The following ANAPC7 variants were observed in gnomAD, a reference collection of about 807,000 sequenced individuals.
ANAPC7 encodes anaphase promoting complex subunit 7, also known as anaphase-promoting complex subunit 7.
In ANAPC7, 25 loss-of-function variants were observed where a neutral mutation model predicts 63.3. That is an observed-to-expected ratio of 0.39 (90% CI 0.29 to 0.55). ANAPC7 has a LOEUF of 0.55. ANAPC7 is among the 20% of genes least tolerant of loss of function. The probability of loss-of-function intolerance (pLI) is 0.57; values close to 1 mark genes in which losing one functional copy is unlikely to be tolerated. For missense variants in ANAPC7, 516 were observed against 691.7 expected, an observed-to-expected ratio of 0.75 and a Z score of 2.85; for synonymous variants, 241 against 251.7, an observed-to-expected ratio of 0.96 and a Z score of 0.40.
chr12:110,375,417 G>C (rs1181860783), intron 10 of ANAPC7: 1 of 985,200 alleles, frequency 1.0e-6, no homozygotes, highest in African/African-American at 1.7e-5. Context: ...ATTAAAGACA[G>C]CCCTTCACCA....
chr12:110,375,126 C>A (rs1276946861), intron 10 of ANAPC7, among the ~76,000 whole-genome samples: 1 of 152,176 alleles, frequency 6.6e-6, no homozygotes, highest in African/African-American at 2.4e-5. Flanking sequence ...CCGTTTCTAC[C>A]GATATAAATG....
At chr12:110,401,263 G>A (rs2062223634) in intron 1 of ANAPC7, among the ~76,000 whole-genome samples, 1 of 152,210 alleles carries the variant, frequency 6.6e-6, no homozygotes. Flanking sequence ...TCTCCAGTCA[G>A]AGAAGACCAG....
chr12:110,401,833 G>C (rs967483435), intron 1 of ANAPC7, among the ~76,000 whole-genome samples: 1 of 151,874 alleles, frequency 6.6e-6, no homozygotes, highest in Non-Finnish European at 1.5e-5. Flanking sequence ...AATTAGCTGG[G>C]TGCGGTGGCG....
chr12:110,373,529 T>G lies in ANAPC7; in HGVS notation c.*615A>C, dbSNP rs1880998468. On this transcript the variant is annotated 3_prime_UTR_variant, in exon 11 of 11. Transcript: ENST00000455511. ...GAACTGCCCCAGGTGCACCTCTGGTTCATGCTCTTGTCACACCTGTTTCTC... is the reference window on the plus strand; with the variant it reads ...GAACTGCCCCAGGTGCACCTCTGGTGCATGCTCTTGTCACACCTGTTTCTC... The G allele has an allele frequency of 6.6e-6, 1 of 152,300 alleles. No homozygotes were observed. The highest frequency in any genetic ancestry group is 2.4e-5 in the African/African-American group (1 of 41,470). 9.4% of individuals were successfully genotyped at this position (152,300 alleles called of 1,614,324 possible).
chr12:110,393,205 G>T (rs1357682829), intron 3 of ANAPC7, among the ~76,000 whole-genome samples: 3 of 152,124 alleles, frequency 2.0e-5, no homozygotes, highest in Non-Finnish European at 2.9e-5. Context: ...GAATCTTACA[G>T]TATTAATTTT....
At chr12:110,383,059 C>T (rs946731343) in intron 6 of ANAPC7, 99 bp from the exon 7 acceptor site, 21 of 811,898 alleles carry the variant, frequency 2.6e-5, no homozygotes, top group Non-Finnish European at 3.9e-5. Flanking sequence ...ATGCTGAGGC[C>T]CCAGCTCCTG....
intron 3 of ANAPC7, among the ~76,000 whole-genome samples, chr12:110,391,438 CATTT>C (rs761507578): frequency 1.3e-5 from 2 of 152,146 alleles, no homozygotes; most frequent in Non-Finnish European, 2.9e-5. Context: ...AACAGACATT[CATTT>C]AGACACATTT....
chr12:110,379,657 GGCT>G (rs1881631056), intron 8 of ANAPC7, among the ~76,000 whole-genome samples: 1 of 152,064 alleles, frequency 6.6e-6, no homozygotes, highest in African/African-American at 2.4e-5. Flanking sequence ...ATAGCTCTCT[GGCT>G]ATATAAGCAG....
chr12:110,381,954 GAAAAA>G lies in ANAPC7; in HGVS notation c.936-11_936-7del, dbSNP rs35699984. ...TGCTATAGAAGCTGTGACAGCTGGA[GAAAAA>G]AAAAAAAAAAAAAACACAAAAACCC... On this transcript the variant is annotated splice_polypyrimidine_tract_variant and splice_region_variant and intron_variant, in intron 7 of 10. Coordinates refer to ENST00000455511, the MANE Select transcript of ANAPC7 (RefSeq NM_016238.3). 570 of 975,198 alleles carry G rather than the reference GAAAAA, an allele frequency of 5.8e-4. No individual in the cohort carries two copies. The highest frequency in any genetic ancestry group is 1.0e-3 in the East Asian group (25 of 24,874). The allele number at this position is 975,198 out of a possible 1,614,324, so 60.4% of individuals were successfully genotyped here.
chr12:110,374,867 A>ACC (rs937515813), intron 10 of ANAPC7, among the ~76,000 whole-genome samples: 1 of 152,114 alleles, frequency 6.6e-6, no homozygotes, highest in African/African-American at 2.4e-5. Flanking sequence ...ACCCAAGGCT[A>ACC]CCCCTACCCA....
chr12:110,403,591 C>A lies in ANAPC7; in HGVS notation c.37G>T (p.Ala13Ser), dbSNP rs761035176. 52 of 1,608,108 alleles carry A rather than the reference C, an allele frequency of 3.2e-5. No individual in the cohort carries two copies. The African/African-American group carries it at 6.7e-4, about 21-fold the overall frequency. Residue 13 changes from alanine (A) to serine (S), a missense_variant, in exon 1 of 11, where the codon GCG becomes TCG. Transcript: ENST00000455511. ...VIDHVRDMAA[A>S]GLHSNVRLLS... Reference sequence around the variant, plus strand: ...AGCCGCACGTTGGAGTGCAGCCCCGCGGCCGCCATGTCCCGCACGTGGTCT... The same window carrying A: ...AGCCGCACGTTGGAGTGCAGCCCCGAGGCCGCCATGTCCCGCACGTGGTCT...
chr12:110,375,512 T>C, intron 10 of ANAPC7: 6 of 953,686 alleles, frequency 6.3e-6, no homozygotes, highest in Non-Finnish European at 7.5e-6. Context: ...TAGCATTTAC[T>C]ATGTACCAGG....
At chr12:110,386,281 C>G in intron 6 of ANAPC7, 46 bp downstream of exon 6, 1 of 1,606,904 alleles carries the variant, frequency 6.2e-7, no homozygotes. Context: ...TATCTCTGAT[C>G]CCCCCCAACA....
At chr12:110,386,090 C>G (rs1347673867) in intron 6 of ANAPC7, among the ~76,000 whole-genome samples, 8 of 151,902 alleles carry the variant, frequency 5.3e-5, no homozygotes, top group African/African-American at 1.9e-4. Context: ...AGAAAAAAAG[C>G]CAAATAATGA....
At position 110,373,067 on chromosome 12, in the gene ANAPC7, C is replaced by A. The variant is rs766944853; in HGVS notation, c.*1077G>T. 2 of 152,116 alleles carry A rather than the reference C, an allele frequency of 1.3e-5. No homozygotes were observed. The highest frequency in any genetic ancestry group is 2.9e-5 in the Non-Finnish European group (2 of 68,024). The allele number at this position is 152,116 out of a possible 1,614,324, so 9.4% of individuals were successfully genotyped here. On this transcript the variant is annotated 3_prime_UTR_variant, in exon 11 of 11. Transcript: ENST00000455511. ...TTTGGGATTAGCTGTGACACCCACC[C>A]CTCACCTCCGATTAATTGTATACTC...
Position 110,386,350 on chromosome 12 carries a change from A to G in ANAPC7, c.794T>C (p.Met265Thr). The change falls in exon 6 of 11, where the codon ATG becomes ACG. Residue 265 changes from methionine to threonine, a missense_variant. By Grantham distance (81) the Met-to-Thr change is moderately conservative. Coordinates refer to ENST00000455511, the MANE Select transcript of ANAPC7 (RefSeq NM_016238.3). ...NSVLKFEQAQMLDPYLIKGMD... is the reference protein window; with the variant it reads ...NSVLKFEQAQTLDPYLIKGMD... ...ACCTTTTATCAGATAAGGATCCAAC[A>G]TCTGTGCCTGTTCAAACTTGAGGAC... 6.2e-7 allele frequency: 1 copy of G among 1,614,074 alleles called. No homozygotes were observed. Among genetic ancestry groups the G allele is most frequent in the South Asian group, 1.1e-5 (1 of 91,070 alleles).
chr12:110,391,427 T>C (rs1191505864), intron 3 of ANAPC7, among the ~76,000 whole-genome samples: 3 of 152,188 alleles, frequency 2.0e-5, no homozygotes, highest in Non-Finnish European at 4.4e-5. Flanking sequence ...TACCATATAT[T>C]AACAGACATT....
intron 1 of ANAPC7, among the ~76,000 whole-genome samples, chr12:110,402,364 C>G (rs2062243838): frequency 6.7e-6 from 1 of 150,358 alleles, no homozygotes. Context: ...GAGTCTCGCT[C>G]TGTCGTCCAG....
chr12:110,393,732 T>C (rs1277649054), intron 3 of ANAPC7, among the ~76,000 whole-genome samples: 1 of 151,948 alleles, frequency 6.6e-6, no homozygotes, highest in Non-Finnish European at 1.5e-5. Context: ...TTGGGCATGG[T>C]GGCGCATGCC....
Sources: gnomAD v4.1 joint callset for allele counts (sites outside exome capture counted in the v4.1 genomes callset) on GRCh38, gnomAD v4.1.1 for gene constraint, MANE v1.5 for transcripts, NCBI Gene and HGNC (gene_info 2026-07-23, HGNC 2026-07-21) for gene names.